The following ANK3 variants were observed in gnomAD, a reference collection of about 807,000 sequenced individuals.
ANK3 encodes ankyrin-3.
A neutral mutation model predicts 370.9 loss-of-function variants in ANK3; 57 were observed. The ratio of observed to expected loss-of-function variants is 0.15; its 90% CI spans 0.12 to 0.19. The LOEUF (loss-of-function observed/expected upper bound fraction) is 0.19, where lower values mean the gene tolerates loss of function less well. Among genes scored for constraint, ANK3 ranks in the 10% least tolerant of loss-of-function variants. The probability of loss-of-function intolerance (pLI) is 1.00; values close to 1 mark genes in which losing one functional copy is unlikely to be tolerated. For missense variants in ANK3, 4,439 were observed against 5,302.1 expected, an observed-to-expected ratio of 0.84 and a Z score of 5.06; for synonymous variants, 1,929 against 1,946.3, an observed-to-expected ratio of 0.99 and a Z score of 0.23.
At position 60,544,253 on chromosome 10, in the gene ANK3, C is replaced by T. The variant is rs1354968575; in HGVS notation, c.96+70933G>A. Reference sequence around the variant, plus strand: ...GGCAGGAAATAGTCTTGTTATAGTTCAACCCATTTTGAGATAATACCCTTT... The same window carrying T: ...GGCAGGAAATAGTCTTGTTATAGTTTAACCCATTTTGAGATAATACCCTTT... On this transcript the variant is annotated intron_variant, in intron 2 of 43. Coordinates refer to the ANK3 transcript ENST00000373827. Among the ~76,000 whole-genome samples, 9 of 152,212 alleles carry T rather than the reference C, an allele frequency of 5.9e-5. No individual in the cohort carries two copies. In the East Asian group the frequency reaches 1.7e-3, roughly 29 times the overall value.
intron 2 of ANK3, among the ~76,000 whole-genome samples, chr10:60,581,117 C>A (rs1034121709): frequency 3.9e-5 from 6 of 152,198 alleles, no homozygotes; most frequent in African/African-American, 1.4e-4. Context: ...TTATAAATAC[C>A]ATCTGAATCA....
At chr10:60,123,432 C>G (rs942284518) in intron 25 of ANK3, among the ~76,000 whole-genome samples, 1 of 152,116 alleles carries the variant, frequency 6.6e-6, no homozygotes, top group Non-Finnish European at 1.5e-5. Flanking sequence ...CAAGGACACA[C>G]CCAAATGCCC....
At chr10:60,207,721 A>G (rs551581895) in intron 10 of ANK3, among the ~76,000 whole-genome samples, 1 of 152,184 alleles carries the variant, frequency 6.6e-6, no homozygotes, top group Non-Finnish European at 1.5e-5. Flanking sequence ...CTTTTAATTC[A>G]CAGAATTATA....
intron 16 of ANK3, among the ~76,000 whole-genome samples, chr10:60,193,272 T>C (rs2096526955): frequency 6.6e-6 from 1 of 152,238 alleles, no homozygotes; most frequent in South Asian, 2.1e-4. Context: ...TAAAGGATGT[T>C]TTGCAGATAG....
At chr10:60,240,117 T>TACACACATATATAC (rs1213673035) in intron 7 of ANK3, among the ~76,000 whole-genome samples, 1 of 89,328 alleles carries the variant, frequency 1.1e-5, no homozygotes, top group East Asian at 3.4e-4. Context: ...TACATATATA[T>TACACACATATATAC]ACACACATAT....
intron 2 of ANK3, among the ~76,000 whole-genome samples, chr10:60,416,151 A>G (rs1441707602): frequency 6.6e-6 from 1 of 152,166 alleles, no homozygotes; most frequent in Non-Finnish European, 1.5e-5. Flanking sequence ...CTCAGACACC[A>G]ATCTTATCAG....
intron 2 of ANK3, among the ~76,000 whole-genome samples, chr10:60,398,173 T>C (rs1187764056): frequency 2.0e-5 from 3 of 152,228 alleles, no homozygotes; most frequent in African/African-American, 4.8e-5. Context: ...TTTATGGACA[T>C]TGAAATGTGA....
chr10:60,105,071 A>G (rs1011348514), intron 28 of ANK3, among the ~76,000 whole-genome samples: 3 of 152,232 alleles, frequency 2.0e-5, no homozygotes, highest in African/African-American at 7.2e-5. Context: ...ATCTTATGGA[A>G]TATGAATTAT....
At chr10:60,571,656 T>C (rs2077603103) in intron 2 of ANK3, among the ~76,000 whole-genome samples, 1 of 152,234 alleles carries the variant, frequency 6.6e-6, no homozygotes, top group African/African-American at 2.4e-5. Flanking sequence ...GATGCACAAC[T>C]GTCTTTTCCA....
intron 28 of ANK3, among the ~76,000 whole-genome samples, chr10:60,103,951 C>G (rs1002356833): frequency 3.3e-5 from 5 of 152,146 alleles, no homozygotes; most frequent in Non-Finnish European, 7.3e-5. Flanking sequence ...ATGGATGGAG[C>G]TGGAGGCCAT....
At chr10:60,208,335 A>C (rs1247438916) in intron 9 of ANK3, 102 bp from the exon 10 acceptor site, 1 of 960,516 alleles carries the variant, frequency 1.0e-6, no homozygotes, top group Admixed American at 2.3e-5. Flanking sequence ...CCAGTTCTTC[A>C]CATGAAAATA....
At chr10:60,138,152 G>A (rs2094433550) in intron 24 of ANK3, among the ~76,000 whole-genome samples, 2 of 152,158 alleles carry the variant, frequency 1.3e-5, no homozygotes, top group South Asian at 4.1e-4. Context: ...TTTGTGGGAA[G>A]TGCCATTTAC....
Position 60,085,098 on chromosome 10 carries a change from T to C in ANK3, c.3845+59A>G. ...AGTATTGAACACAACAATTTTTACT[T>C]TCCAAAAGGTAATAAAAACTAATTC... On this transcript the variant is annotated intron_variant, in intron 31 of 43. Transcript: ENST00000280772. 5.7e-6 allele frequency: 8 copies of C among 1,412,508 alleles called. No homozygotes were observed. In the South Asian group the frequency reaches 9.1e-5, roughly 16 times the overall value. The allele number at this position is 1,412,508 out of a possible 1,614,324, so 87.5% of individuals were successfully genotyped here. A position where few individuals can be genotyped will look rare whatever the true frequency, so the allele number is the denominator to read the frequency against.
chr10:60,181,869 C>T (rs2096200642), intron 17 of ANK3, among the ~76,000 whole-genome samples: 1 of 152,132 alleles, frequency 6.6e-6, no homozygotes, highest in African/African-American at 2.4e-5. Flanking sequence ...TATCTGTAGG[C>T]TGCATGAAAA....
chr10:60,371,704 G>C (rs1416290559), intron 1 of ANK3, among the ~76,000 whole-genome samples: 2 of 152,038 alleles, frequency 1.3e-5, no homozygotes, highest in Non-Finnish European at 2.9e-5. Flanking sequence ...GAAGCCAACT[G>C]TTTATTAAAT....
intron 2 of ANK3, among the ~76,000 whole-genome samples, chr10:60,538,063 C>G (rs1294906353): frequency 1.3e-5 from 2 of 151,864 alleles, no homozygotes; most frequent in Non-Finnish European, 2.9e-5. Flanking sequence ...CTAAGCAAGG[C>G]AACTGTGGTT....
At chr10:60,194,010 A>T (rs1056135196) in intron 16 of ANK3, among the ~76,000 whole-genome samples, 2 of 152,030 alleles carry the variant, frequency 1.3e-5, no homozygotes, top group African/African-American at 4.8e-5. Context: ...AATCCCAGCT[A>T]CTTGGGAGGC....
At position 60,592,541 on chromosome 10, in the gene ANK3, C is replaced by A. The variant is rs1308688320; in HGVS notation, c.96+22645G>T. Among the ~76,000 whole-genome samples the A allele has an allele frequency of 2.0e-5, 3 of 152,252 alleles. No individual in the cohort carries two copies. In the East Asian group the frequency reaches 5.8e-4, roughly 29 times the overall value. On this transcript the variant is annotated intron_variant, in intron 2 of 43. Coordinates refer to the ANK3 transcript ENST00000373827. ...TTGGGAGGCCAAGGCGGGTGGATCA[C>A]CTGAGGTCAGGAGTTCGAGACCAGC...
intron 1 of ANK3, among the ~76,000 whole-genome samples, chr10:60,697,533 A>G (rs2133412708): frequency 6.7e-6 from 1 of 149,814 alleles, no homozygotes; most frequent in Non-Finnish European, 1.5e-5. Context: ...CCAAAACAGC[A>G]TGGTACTGGT....
Sources: gnomAD v4.1 joint callset for allele counts (sites outside exome capture counted in the v4.1 genomes callset) on GRCh38, gnomAD v4.1.1 for gene constraint, MANE v1.5 for transcripts, NCBI Gene and HGNC (gene_info 2026-07-23, HGNC 2026-07-21) for gene names.